The following HEATR4 variants were observed in gnomAD, a reference collection of about 807,000 sequenced individuals.
HEATR4 encodes the protein HEAT repeat containing 4, also known as HEAT repeat-containing protein 4.
HEATR4 carries 95 observed loss-of-function variants against 108.8 expected under a neutral mutation model. That is an observed-to-expected ratio of 0.87 (90% CI 0.74 to 1.04). HEATR4 has a LOEUF of 1.04. HEATR4 is among the 50% of genes least tolerant of loss of function. The pLI is 0.00. For synonymous variants in HEATR4, 443 were observed against 459.4 expected (o/e 0.96, Z 0.46); for missense variants, 1,152 against 1,253.8 (o/e 0.92, Z 1.23).
At chr14:73,598,020 G>A in the HEATR4 span, among the ~76,000 whole-genome samples, 3 of 151,308 alleles carry the variant, frequency 2.0e-5, no homozygotes, top group Non-Finnish European at 2.9e-5. Context: ...CACTGCACCA[G>A]GCTTGTTTAT....
the HEATR4 span, chr14:73,613,026 C>G: frequency 1.7e-5 from 14 of 836,612 alleles, no homozygotes; most frequent in Non-Finnish European, 2.2e-5. Flanking sequence ...TTCCTGCCGC[C>G]GGATGAGTAG....
intron 5 of HEATR4, among the ~76,000 whole-genome samples, chr14:73,516,583 G>A (rs1887612124): frequency 6.6e-6 from 1 of 151,906 alleles, no homozygotes; most frequent in African/African-American, 2.4e-5. Context: ...TAGCTGGATA[G>A]AAACACATCC....
At chr14:73,612,808 G>T in the HEATR4 span, 1 of 1,418,174 alleles carries the variant, frequency 7.1e-7, no homozygotes, top group Non-Finnish European at 9.3e-7. Flanking sequence ...AGCCCATGGG[G>T]CTGCTGTGGG....
At chr14:73,482,457 G>A (rs1296519926) in intron 17 of HEATR4, among the ~76,000 whole-genome samples, 9 of 152,294 alleles carry the variant, frequency 5.9e-5, no homozygotes, top group African/African-American at 1.9e-4. Context: ...AGAAGGCGGA[G>A]GCTGCAATGG....
At chr14:73,569,930 T>C in the HEATR4 span, 1 of 1,567,154 alleles carries the variant, frequency 6.4e-7, no homozygotes, top group Non-Finnish European at 8.6e-7. Flanking sequence ...CCTTTCACTT[T>C]GTGTGTCTCC....
chr14:73,610,494 T>C, the HEATR4 span, among the ~76,000 whole-genome samples: 1 of 152,020 alleles, frequency 6.6e-6, no homozygotes, highest in Non-Finnish European at 1.5e-5. Context: ...TTTCACCATG[T>C]TGGCCAGGCT....
chr14:73,547,373 G>A (rs1182323459), intron 1 of HEATR4, among the ~76,000 whole-genome samples: 2 of 114,598 alleles, frequency 1.7e-5, no homozygotes, highest in African/African-American at 5.6e-5. Flanking sequence ...AGGGCAAAAC[G>A]CTGTCTCAAA....
At chr14:73,572,720 A>T in the HEATR4 span, among the ~76,000 whole-genome samples, 330 of 143,312 alleles carry the variant, frequency 2.3e-3, 5 homozygotes, top group African/African-American at 8.3e-3. Context: ...ATCTTGGCTC[A>T]CTGCAACCTC....
At chr14:73,618,098 A>G in the HEATR4 span, among the ~76,000 whole-genome samples, 1 of 152,084 alleles carries the variant, frequency 6.6e-6, no homozygotes, top group African/African-American at 2.4e-5. Flanking sequence ...AGTCGAGATT[A>G]CACCATTGCA....
At chr14:73,521,072 GA>G in intron 3 of HEATR4, 33 bp from the exon 4 acceptor site, 1 of 1,580,330 alleles carries the variant, frequency 6.3e-7, no homozygotes, top group Non-Finnish European at 8.7e-7. Flanking sequence ...GGAAAAGGGG[GA>G]AAGAGTAGGA....
At chr14:73,506,243 AGT>A (rs1437393381) in intron 10 of HEATR4, among the ~76,000 whole-genome samples, 1 of 152,210 alleles carries the variant, frequency 6.6e-6, no homozygotes, top group Non-Finnish European at 1.5e-5. Context: ...ATTGTGGATC[AGT>A]TACCAACAGT....
chr14:73,525,460 C>G (rs935845199), intron 2 of HEATR4, among the ~76,000 whole-genome samples: 4 of 152,304 alleles, frequency 2.6e-5, no homozygotes, highest in Admixed American at 6.5e-5. Flanking sequence ...ATTGCTTCAT[C>G]TCTTCACAAC....
chr14:73,567,225 T>C, the HEATR4 span, among the ~76,000 whole-genome samples: 1 of 152,092 alleles, frequency 6.6e-6, no homozygotes, highest in African/African-American at 2.4e-5. Flanking sequence ...GCGTGAGCCA[T>C]CTTGCCCAAC....
At chr14:73,491,331 T>C (rs1437472233) in intron 17 of HEATR4, 1 of 1,471,278 alleles carries the variant, frequency 6.8e-7, no homozygotes, top group East Asian at 2.9e-5. Context: ...CCCGCAGAGC[T>C]GCTGGAGGCC....
intron 11 of HEATR4, 137 bp from the exon 12 acceptor site, chr14:73,500,867 G>A (rs1886414062): frequency 9.9e-6 from 7 of 705,636 alleles, no homozygotes; most frequent in East Asian, 2.7e-5. Context: ...CATGAGATAA[G>A]TTTTACTGGG....
At chr14:73,599,752 G>A in the HEATR4 span, among the ~76,000 whole-genome samples, 1 of 152,330 alleles carries the variant, frequency 6.6e-6, no homozygotes, top group Admixed American at 6.5e-5. Context: ...AGTTCAAGGA[G>A]AGCATAGTCT....
intron 6 of HEATR4, 31 bp downstream of exon 6, chr14:73,514,000 G>C (rs773525130): frequency 6.2e-7 from 1 of 1,601,978 alleles, no homozygotes; most frequent in Admixed American, 1.7e-5. Context: ...TCTCACAAAC[G>C]TACAGTATCA....
the HEATR4 span, chr14:73,569,266 AC>A: frequency 6.2e-7 from 1 of 1,613,372 alleles, no homozygotes; most frequent in Non-Finnish European, 8.5e-7. Flanking sequence ...CTTTCTCCCC[AC>A]CCCCATTCAG....
chr14:73,622,978 C>T, the HEATR4 span, among the ~76,000 whole-genome samples: 9 of 152,018 alleles, frequency 5.9e-5, no homozygotes, highest in South Asian at 2.1e-4. Context: ...GGTGCAACTT[C>T]GGCTCACTGC....
Sources: gnomAD v4.1 joint callset for allele counts (sites outside exome capture counted in the v4.1 genomes callset) on GRCh38, gnomAD v4.1.1 for gene constraint, MANE v1.5 for transcripts, NCBI Gene and HGNC (gene_info 2026-07-23, HGNC 2026-07-21) for gene names.